Variants in ARPP21 observed in about 807,000 individuals in gnomAD.
ARPP21 encodes cAMP regulated phosphoprotein 21, also known as cAMP-regulated phosphoprotein 21.
ARPP21 carries 69 observed loss-of-function variants against 113.2 expected under a neutral mutation model. That is an observed-to-expected ratio of 0.61 (90% confidence interval 0.50 to 0.74). ARPP21 has a LOEUF of 0.74. ARPP21 is among the 30% of genes least tolerant of loss of function. ARPP21 has a pLI of 0.00. For missense variants in ARPP21, 1,070 were observed against 1,037.4 expected (o/e 1.03, Z -0.43); for synonymous variants, 368 against 375.5 (o/e 0.98, Z 0.23).
chr3:35,749,854 T>A (rs1389391828), intron 19 of ARPP21, among the ~76,000 whole-genome samples: 2 of 152,124 alleles, frequency 1.3e-5, no homozygotes, highest in Non-Finnish European at 2.9e-5. Flanking sequence ...ATAAAATTGA[T>A]AGTTTTATTT....
intron 19 of ARPP21, among the ~76,000 whole-genome samples, chr3:35,753,850 T>G (rs1446209976): frequency 6.6e-6 from 1 of 152,074 alleles, no homozygotes. Context: ...TGGGGCAAAA[T>G]GTACCTTAAT....
intron 1 of ARPP21, among the ~76,000 whole-genome samples, chr3:35,666,943 T>G (rs942194346): frequency 6.6e-6 from 1 of 152,238 alleles, no homozygotes; most frequent in Non-Finnish European, 1.5e-5. Flanking sequence ...CACTATGGCA[T>G]GCCTTCAGTA....
chr3:35,763,032 G>A (rs1413088303), intron 19 of ARPP21, among the ~76,000 whole-genome samples: 1 of 152,080 alleles, frequency 6.6e-6, no homozygotes, highest in Non-Finnish European at 1.5e-5. Context: ...CTGGAGAATT[G>A]AGTCAGAGGC....
At chr3:35,682,607 C>T in intron 3 of ARPP21, 1 of 412,710 alleles carries the variant, frequency 2.4e-6, no homozygotes, top group Non-Finnish European at 4.3e-6. Context: ...TCCTTGTCCC[C>T]TTTCCAATAG....
chr3:35,745,565 TG>T (rs1280909388), intron 19 of ARPP21, among the ~76,000 whole-genome samples: 1 of 152,204 alleles, frequency 6.6e-6, no homozygotes, highest in Non-Finnish European at 1.5e-5. Context: ...CAAAACATGC[TG>T]CAATCCACTA....
chr3:35,789,142 A>T (rs1424406544), intron 19 of ARPP21, among the ~76,000 whole-genome samples: 2 of 152,254 alleles, frequency 1.3e-5, no homozygotes, highest in Non-Finnish European at 2.9e-5. Context: ...AATATGAAAA[A>T]GTGATAATTT....
chr3:35,755,402 ACT>A (rs2095537511), intron 19 of ARPP21, among the ~76,000 whole-genome samples: 1 of 151,386 alleles, frequency 6.6e-6, no homozygotes, highest in Non-Finnish European at 1.5e-5. Flanking sequence ...CTCTCTTTAT[ACT>A]CTTTTTTTCT....
At chr3:35,719,921 T>C (rs2092886651) in intron 13 of ARPP21, among the ~76,000 whole-genome samples, 1 of 152,160 alleles carries the variant, frequency 6.6e-6, no homozygotes, top group African/African-American at 2.4e-5. Flanking sequence ...TGAAGTTGAA[T>C]TTGGAGATTT....
In ARPP21 at chr3:35,669,861, C is replaced by T. The variant is rs1280718130; in HGVS notation, c.-212-9926C>T. ...GCATTGTAGAATCCATAAATAAAAT[C>T]CCCAAATCTTCAACTTCATCAACAG... is the stretch of plus-strand genomic sequence containing the variant. On this transcript the variant is annotated intron_variant, in intron 1 of 20. Coordinates refer to ENST00000684406, the MANE Select transcript of ARPP21 (RefSeq NM_001385562.1). Among the ~76,000 whole-genome samples the T allele has an allele frequency of 3.3e-5, 5 of 152,246 alleles. No individual in the cohort carries two copies. In the East Asian group the frequency reaches 9.7e-4, roughly 30 times the overall value.
intron 19 of ARPP21, among the ~76,000 whole-genome samples, chr3:35,761,408 A>C (rs1411507199): frequency 6.6e-6 from 1 of 152,090 alleles, no homozygotes; most frequent in Non-Finnish European, 1.5e-5. Context: ...CTGTGTCTTC[A>C]AAAGAGCTTC....
intron 19 of ARPP21, chr3:35,785,318 T>A (rs1422680640): frequency 6.6e-6 from 1 of 152,150 alleles, no homozygotes; most frequent in Non-Finnish European, 1.5e-5. Context: ...CCCTCTGGGT[T>A]GTTGAAGCTC....
rs190740553 is a variant in ARPP21, at chr3:35,649,603, C to T, written c.-213+9205C>T. ...CATGGTGAAGGACACCCAGCATGTG[C>T]GGAAGGAATTCACTCCTCCAAAGAA... is the stretch of plus-strand genomic sequence containing the variant. On this transcript the variant is annotated intron_variant, in intron 1 of 20. Transcript: ENST00000684406. 4.6e-5 allele frequency among the ~76,000 whole-genome samples: 7 copies of T among 152,188 alleles called. No homozygotes were observed. The East Asian group carries it at 7.8e-4, about 17-fold the overall frequency.
At chr3:35,669,169 A>T (rs2075703780) in intron 1 of ARPP21, among the ~76,000 whole-genome samples, 1 of 150,994 alleles carries the variant, frequency 6.6e-6, no homozygotes, top group South Asian at 2.1e-4. Flanking sequence ...TTCCTTCCTA[A>T]TTATAATTAT....
chr3:35,678,616 C>T (rs2078105095), intron 1 of ARPP21, among the ~76,000 whole-genome samples: 1 of 151,862 alleles, frequency 6.6e-6, no homozygotes, highest in Non-Finnish European at 1.5e-5. Flanking sequence ...ATGAATAAAT[C>T]CAGAAACTAT....
intron 5 of ARPP21, 103 bp from the exon 6 acceptor site, chr3:35,687,636 A>C: frequency 9.5e-7 from 1 of 1,052,382 alleles, no homozygotes; most frequent in Non-Finnish European, 1.4e-6. Flanking sequence ...AAAAATCTGC[A>C]CCTGGTTTTC....
intron 11 of ARPP21, among the ~76,000 whole-genome samples, chr3:35,713,892 A>G (rs1344009938): frequency 6.6e-6 from 1 of 152,208 alleles, no homozygotes; most frequent in Non-Finnish European, 1.5e-5. Flanking sequence ...TCCAACTATG[A>G]GAGCTGAGAA....
intron 19 of ARPP21, among the ~76,000 whole-genome samples, chr3:35,747,085 T>A (rs546011100): frequency 6.6e-6 from 1 of 152,220 alleles, no homozygotes; most frequent in East Asian, 1.9e-4. Flanking sequence ...GTGTGGTGGC[T>A]CACACCTATA....
At chr3:35,704,200 G>A (rs143308578) in intron 9 of ARPP21, among the ~76,000 whole-genome samples, 1,940 of 151,774 alleles carry the variant, frequency 0.013, 44 homozygotes, top group African/African-American at 0.044. Context: ...AAAAACCTAA[G>A]GTGTTTGAAA....
At chr3:35,757,250 A>G (rs1038683877) in intron 19 of ARPP21, among the ~76,000 whole-genome samples, 4 of 151,798 alleles carry the variant, frequency 2.6e-5, no homozygotes, top group African/African-American at 7.3e-5. Flanking sequence ...AATTGTAAAG[A>G]TACGGTCTTG....
Sources: gnomAD v4.1 joint callset for allele counts (sites outside exome capture counted in the v4.1 genomes callset) on GRCh38, gnomAD v4.1.1 for gene constraint, MANE v1.5 for transcripts, NCBI Gene and HGNC (gene_info 2026-07-23, HGNC 2026-07-21) for gene names.